Variants in TPRG1 observed in about 807,000 individuals in gnomAD.
The protein encoded by TPRG1 is tumor protein p63-regulated gene 1 protein.
TPRG1 carries 29 observed loss-of-function variants against 29.3 expected under a neutral mutation model. That is an observed-to-expected ratio of 0.99 (90% CI 0.74 to 1.35). The LOEUF is 1.35. Ranked by LOEUF, TPRG1 falls within the 40% of genes most tolerant of loss-of-function variation. The pLI, the probability that TPRG1 is intolerant of heterozygous loss-of-function variation, is 0.00. For synonymous variants in TPRG1, 130 were observed against 116.8 expected (o/e 1.11, Z -0.73); for missense variants, 327 against 335.0 (o/e 0.98, Z 0.19).
At chr3:189,080,412 G>A (rs1015729987) in intron 4 of TPRG1, among the ~76,000 whole-genome samples, 10 of 152,118 alleles carry the variant, frequency 6.6e-5, no homozygotes, top group African/African-American at 2.2e-4. Context: ...TGCAGACACT[G>A]CAAAAATACA....
chr3:189,100,357 A>G (rs1719039230), intron 1 of TPRG1, among the ~76,000 whole-genome samples: 1 of 152,198 alleles, frequency 6.6e-6, no homozygotes. Flanking sequence ...GAGGGAAGGT[A>G]TCTTTGGGGA....
rs149582623 is a variant in TPRG1, at chr3:189,236,772, C to T, written c.303-1961C>T. On this transcript the variant is annotated intron_variant, in intron 3 of 5. Transcript: ENST00000345063. ...TTCTTTTCTTCCTTTTTCTGCTTCT[C>T]CTTTCTTTCTTTCACTTCTGTCTCC... 3.6e-4 allele frequency among the ~76,000 whole-genome samples: 55 copies of T among 152,224 alleles called. 1 individual carries two copies. The East Asian group carries it at 8.7e-3, about 24-fold the overall frequency.
chr3:189,180,414 C>T (rs1730056282), intron 1 of TPRG1, among the ~76,000 whole-genome samples: 1 of 152,282 alleles, frequency 6.6e-6, no homozygotes, highest in East Asian at 1.9e-4. Flanking sequence ...AAATCACAAG[C>T]AGGTTAGTTA....
At chr3:189,055,835 A>G (rs1235089391) in intron 4 of TPRG1, among the ~76,000 whole-genome samples, 24 of 152,054 alleles carry the variant, frequency 1.6e-4, no homozygotes, top group Non-Finnish European at 4.4e-5. Flanking sequence ...GTAGAGTACT[A>G]CACCCATTAT....
intron 4 of TPRG1, among the ~76,000 whole-genome samples, chr3:189,241,063 C>T (rs1255992460): frequency 6.6e-6 from 1 of 152,138 alleles, no homozygotes; most frequent in Non-Finnish European, 1.5e-5. Context: ...AATATCCTTG[C>T]TTACAAGACT....
At chr3:189,319,462 T>A (rs947900351) in intron 5 of TPRG1, among the ~76,000 whole-genome samples, 5 of 151,998 alleles carry the variant, frequency 3.3e-5, no homozygotes, top group African/African-American at 1.2e-4. Flanking sequence ...TGGGTGTCAT[T>A]TTTTTCCTTC....
intron 4 of TPRG1, among the ~76,000 whole-genome samples, chr3:189,052,646 T>G (rs1289589286): frequency 1.3e-5 from 2 of 152,206 alleles, no homozygotes; most frequent in African/African-American, 4.8e-5. Flanking sequence ...CACATGCATG[T>G]TTGTAGCAGC....
intron 4 of TPRG1, among the ~76,000 whole-genome samples, chr3:189,059,309 A>G (rs1396123095): frequency 6.6e-6 from 1 of 152,114 alleles, no homozygotes; most frequent in African/African-American, 2.4e-5. Context: ...AGTCTGTGAG[A>G]AGGCCAGGTG....
chr3:189,276,723 A>G (rs191027220), intron 4 of TPRG1, among the ~76,000 whole-genome samples: 9 of 152,286 alleles, frequency 5.9e-5, no homozygotes, highest in South Asian at 2.1e-4. Flanking sequence ...GGCTTGGCTC[A>G]TGGCTGTTCT....
At chr3:189,190,846 A>T in intron 1 of TPRG1, 1 of 386,904 alleles carries the variant, frequency 2.6e-6, no homozygotes, top group Non-Finnish European at 3.5e-6. Flanking sequence ...TCCCTGATCC[A>T]TATTCCTACT....
chr3:188,997,519 C>T (rs1711874871), intron 1 of TPRG1, among the ~76,000 whole-genome samples: 1 of 152,112 alleles, frequency 6.6e-6, no homozygotes, highest in Non-Finnish European at 1.5e-5. Flanking sequence ...CTAGAGTGAT[C>T]AGTTGTTCCA....
chr3:189,284,233 G>C (rs1347456199), intron 4 of TPRG1, among the ~76,000 whole-genome samples: 1 of 151,384 alleles, frequency 6.6e-6, no homozygotes, highest in Non-Finnish European at 1.5e-5. Flanking sequence ...TAAGTTTTGG[G>C]GTACATGTGC....
chr3:189,272,703 T>TTC lies in TPRG1; in HGVS notation c.479+33796_479+33797dup, dbSNP rs1330430012. 1.3e-3 allele frequency among the ~76,000 whole-genome samples: 176 copies of TTC among 137,296 alleles called. 1 individual carries two copies. The highest frequency in any genetic ancestry group is 7.1e-3 in the Middle Eastern group (2 of 280). The allele number at this position is 137,296 out of a possible 152,430, so 90.1% of individuals were successfully genotyped here. ...CTTTCCTTTCTTTCTTTCTCTTTCT[T>TTC]TCTTTCTTTCTCCTTCCTTCCTTCC... is the stretch of plus-strand genomic sequence containing the variant. On this transcript the variant is annotated intron_variant, in intron 4 of 5. Transcript: ENST00000345063.
intron 5 of TPRG1, among the ~76,000 whole-genome samples, chr3:189,160,976 G>A (rs937231745): frequency 1.2e-4 from 18 of 152,198 alleles, no homozygotes; most frequent in African/African-American, 4.1e-4. Flanking sequence ...CCTCATAATG[G>A]CCTGGATTGG....
chr3:189,067,568 GA>G (rs947531850), intron 4 of TPRG1, among the ~76,000 whole-genome samples: 72 of 152,236 alleles, frequency 4.7e-4, no homozygotes, highest in Middle Eastern at 3.4e-3. Context: ...ATACACGGGG[GA>G]AAAGACAGTC....
chr3:189,155,407 TTCC>T (rs2108612778), intron 5 of TPRG1, among the ~76,000 whole-genome samples: 1 of 152,244 alleles, frequency 6.6e-6, no homozygotes, highest in Non-Finnish European at 1.5e-5. Context: ...TGTGTCCTAA[TTCC>T]TATAAGGCAG....
intron 1 of TPRG1, among the ~76,000 whole-genome samples, chr3:189,110,726 A>T (rs2152206965): frequency 6.6e-6 from 1 of 152,022 alleles, no homozygotes; most frequent in South Asian, 2.1e-4. Context: ...ATTTCAGTTA[A>T]GTTTTTATAA....
intron 3 of TPRG1, among the ~76,000 whole-genome samples, chr3:189,228,140 A>G (rs1738066410): frequency 6.6e-6 from 1 of 152,218 alleles, no homozygotes; most frequent in African/African-American, 2.4e-5. Context: ...AGCAATAGCA[A>G]CAACGACGAC....
intron 1 of TPRG1, among the ~76,000 whole-genome samples, chr3:189,187,169 G>A (rs1731048778): frequency 6.6e-6 from 1 of 151,760 alleles, no homozygotes; most frequent in South Asian, 2.1e-4. Flanking sequence ...TGTACTTTTG[G>A]TAGAGACGGG....
Sources: allele counts gnomAD v4.1 joint callset (sites outside exome capture counted in the v4.1 genomes callset), GRCh38; gene constraint gnomAD v4.1.1; transcripts MANE v1.5; gene names NCBI Gene and HGNC (gene_info 2026-07-23, HGNC 2026-07-21).